The following RPRM variants were observed in gnomAD, a reference collection of about 807,000 sequenced individuals.
RPRM encodes protein reprimo.
Under a neutral mutation model 5.2 loss-of-function variants are expected in RPRM, and 3 were observed. The ratio of observed to expected loss-of-function variants is 0.58; its 90% CI spans 0.26 to 1.50. The LOEUF (loss-of-function observed/expected upper bound fraction) is 1.50, where lower values mean the gene tolerates loss of function less well. Ranked by LOEUF, RPRM falls within the 40% of genes most tolerant of loss-of-function variation. RPRM has a pLI of 0.13. For missense variants in RPRM, 135 were observed against 154.5 expected (o/e 0.87, Z 0.67); for synonymous variants, 70 against 69.9 (o/e 1.00, Z -0.01).
At position 153,478,187 on chromosome 2, in the gene RPRM, A is replaced by G; in HGVS notation, c.*49T>C. 6.7e-7 allele frequency: 1 copy of G among 1,482,702 alleles called. No homozygotes were observed. The highest frequency in any genetic ancestry group is 1.8e-4 in the Middle Eastern group (1 of 5,708). The allele number at this position is 1,482,702 out of a possible 1,614,324, so 91.8% of individuals were successfully genotyped here. A position where few individuals can be genotyped will look rare whatever the true frequency, so the allele number is the denominator to read the frequency against. On this transcript the variant is annotated 3_prime_UTR_variant, in exon 1 of 1. Coordinates refer to ENST00000325926, the MANE Select transcript of RPRM (RefSeq NM_019845.3). Reference sequence around the variant, plus strand: ...TGATAGTGAGGGGCACAGCCGGGCTAGCAAAGTGGGCAGGCGTGGGAGCGG... The same window carrying G: ...TGATAGTGAGGGGCACAGCCGGGCTGGCAAAGTGGGCAGGCGTGGGAGCGG...
At position 153,478,537 on chromosome 2, in the gene RPRM, T is replaced by C; in HGVS notation, c.29A>G (p.Asp10Gly). 2 of 1,604,254 alleles carry C rather than the reference T, an allele frequency of 1.2e-6. No homozygotes were observed. Among genetic ancestry groups the C allele is most frequent in the Non-Finnish European group, 1.7e-6 (2 of 1,173,810 alleles). The change falls in exon 1 of 1, where the codon GAC (aspartate) becomes GGC (glycine). Residue 10 changes from aspartate to glycine, a missense_variant. Transcript: ENST00000325926. ...GTTGGCCAGGAACAGGCCCGCCACG[T>C]CCGTCTGGTTGCCTAGGGCCGGATT... MNPALGNQT[D>G]VAGLFLANSS...
Position 153,478,497 on chromosome 2 carries a change from C to G in RPRM, c.69G>C (p.Leu23=). 2 of 1,611,104 alleles carry G rather than the reference C, an allele frequency of 1.2e-6. No individual in the cohort carries two copies. The highest frequency in any genetic ancestry group is 1.7e-6 in the Non-Finnish European group (2 of 1,178,950). The change falls in exon 1 of 1, where the codon CTG becomes CTC. Residue 23 remains leucine (L), a synonymous_variant. Transcript: ENST00000325926. ...GLFLANSSEA[L]ERAVRCCTQA... is the part of the protein sequence containing the mutation. Reference sequence around the variant, plus strand: ...GGGTGCAGCAGCGCACGGCTCGCTCCAGCGCCTCGCTGCTGTTGGCCAGGA... The same window carrying G: ...GGGTGCAGCAGCGCACGGCTCGCTCGAGCGCCTCGCTGCTGTTGGCCAGGA...
Position 153,478,698 on chromosome 2 carries a change from A to T in RPRM, c.-133T>A. On this transcript the variant is annotated 5_prime_UTR_variant, in exon 1 of 1. Transcript: ENST00000325926. Reference sequence around the variant, plus strand: ...GCGAGGGCTCCTCGCTCTGCTTTCGAAAGTCCCTGGGCCGTGGGAGTTTCC... The same window carrying T: ...GCGAGGGCTCCTCGCTCTGCTTTCGTAAGTCCCTGGGCCGTGGGAGTTTCC... 1.3e-6 allele frequency: 1 copy of T among 753,930 alleles called. No individual in the cohort carries two copies. 46.7% of individuals were successfully genotyped at this position (753,930 alleles called of 1,614,324 possible).
rs763304318 is a variant in RPRM at position 153,478,455 on chromosome 2, G to C, written c.111C>G (p.Thr37=). Residue 37 remains threonine, a synonymous_variant, in exon 1 of 1, where the codon ACC becomes ACG. Transcript: ENST00000325926. ...VRCCTQASVV[T]DDGFAEGGPD... is the part of the protein sequence containing the mutation. ...GGCCTCCCTCCGCGAAGCCGTCGTC[G>C]GTCACCACGGACGCCTGGGTGCAGC... 1.9e-6 allele frequency: 3 copies of C among 1,613,658 alleles called. No homozygotes were observed. Among genetic ancestry groups the C allele is most frequent in the East Asian group, 2.2e-5 (1 of 44,880 alleles).
At position 153,478,219 on chromosome 2, in the gene RPRM, C is replaced by CG; in HGVS notation, c.*16dup. The CG allele has an allele frequency of 6.3e-7, 1 of 1,594,550 alleles. No individual in the cohort carries two copies. The highest frequency in any genetic ancestry group is 8.6e-7 in the Non-Finnish European group (1 of 1,169,196). ...TGGGCAGGCGTGGGAGCGGTTGCCG[C>CG]GGGGGCAGAGGGCGGGTCAGTAGGG... On this transcript the variant is annotated 3_prime_UTR_variant, in exon 1 of 1. Coordinates refer to ENST00000325926, the MANE Select transcript of RPRM (RefSeq NM_019845.3).
chr2:153,478,483 C>T lies in RPRM; in HGVS notation c.83G>A (p.Arg28His), dbSNP rs1338484237. The part of the protein sequence containing the change: ...NSSEALERAV[R>H]CCTQASVVTD... ...CACCACGGACGCCTGGGTGCAGCAG[C>T]GCACGGCTCGCTCCAGCGCCTCGCT... is the stretch of plus-strand genomic sequence containing the variant. Residue 28 changes from arginine (R) to histidine (H), a missense_variant, in exon 1 of 1, where the codon CGC becomes CAC. Coordinates refer to ENST00000325926, the MANE Select transcript of RPRM (RefSeq NM_019845.3). The T allele has an allele frequency of 1.2e-6, 2 of 1,612,778 alleles. No homozygotes were observed. Among genetic ancestry groups the T allele is most frequent in the Admixed American group, 1.7e-5 (1 of 59,950 alleles).
chr2:153,478,182 G>C lies in RPRM; in HGVS notation c.*54C>G. 5.6e-6 allele frequency: 8 copies of C among 1,441,188 alleles called. No homozygotes were observed. The highest frequency in any genetic ancestry group is 3.6e-4 in the Middle Eastern group (2 of 5,616). The allele number at this position is 1,441,188 out of a possible 1,614,324, so 89.3% of individuals were successfully genotyped here. A position where few individuals can be genotyped will look rare whatever the true frequency, so the allele number is the denominator to read the frequency against. On this transcript the variant is annotated 3_prime_UTR_variant, in exon 1 of 1. Transcript: ENST00000325926. ...GTCTCTGATAGTGAGGGGCACAGCC[G>C]GGCTAGCAAAGTGGGCAGGCGTGGG...
chr2:153,478,206 G>T lies in RPRM; in HGVS notation c.*30C>A. The T allele has an allele frequency of 6.4e-7, 1 of 1,574,402 alleles. No individual in the cohort carries two copies. The highest frequency in any genetic ancestry group is 2.3e-5 in the East Asian group (1 of 44,270). On this transcript the variant is annotated 3_prime_UTR_variant, in exon 1 of 1. Transcript: ENST00000325926. ...CGGGCTAGCAAAGTGGGCAGGCGTG[G>T]GAGCGGTTGCCGCGGGGGCAGAGGG...
rs1490835808 is a variant in RPRM, at chr2:153,477,535, A to G, written c.*701T>C. ...CAAAAGACCCAGTGGGAAATGCACT[A>G]AAAGAAACAACTCACCCCGTTCAAA... is the stretch of plus-strand genomic sequence containing the variant. On this transcript the variant is annotated 3_prime_UTR_variant, in exon 1 of 1. Coordinates refer to ENST00000325926, the MANE Select transcript of RPRM (RefSeq NM_019845.3). 2.0e-5 allele frequency: 3 copies of G among 152,332 alleles called. No homozygotes were observed. Among genetic ancestry groups the G allele is most frequent in the Non-Finnish European group, 4.4e-5 (3 of 67,982 alleles). 9.4% of individuals were successfully genotyped at this position (152,332 alleles called of 1,614,324 possible).
At position 153,478,315 on chromosome 2, in the gene RPRM, G is replaced by A. The variant is rs1217776395; in HGVS notation, c.251C>T (p.Ser84Phe). 1 of 1,614,006 alleles carries A rather than the reference G, an allele frequency of 6.2e-7. No homozygotes were observed. The highest frequency in any genetic ancestry group is 2.2e-5 in the East Asian group (1 of 44,866). Residue 84 changes from serine to phenylalanine, a missense_variant, in exon 1 of 1, where the codon TCC (serine) becomes TTC (phenylalanine). Physicochemically the swap from Ser to Phe is radical, Grantham distance 155. Coordinates refer to ENST00000325926, the MANE Select transcript of RPRM (RefSeq NM_019845.3). ...CACGAGGAAGTTGATCATGCCCTCG[G>A]ACTTGATGAGCAGATTGCAGCCGAG... is the stretch of plus-strand genomic sequence containing the variant. ...FFLGCNLLIK[S>F]EGMINFLVKD...
In RPRM at chr2:153,477,974, C is replaced by T. The variant is rs906232964; in HGVS notation, c.*262G>A. The T allele has an allele frequency of 2.4e-5, 12 of 507,540 alleles. No homozygotes were observed. In the Admixed American group the frequency reaches 3.4e-4, roughly 15 times the overall value. 31.4% of individuals were successfully genotyped at this position (507,540 alleles called of 1,614,324 possible). On this transcript the variant is annotated 3_prime_UTR_variant, in exon 1 of 1. Coordinates refer to ENST00000325926, the MANE Select transcript of RPRM (RefSeq NM_019845.3). ...TCCCCGCATTCCAAGTAAGTAGCAG[C>T]TTCCAAAGTTCTGCGCCCTAATCGC...
chr2:153,478,511 TG>T lies in RPRM; in HGVS notation c.54del (p.Asn18LysfsTer19). ...ACGGCTCGCTCCAGCGCCTCGCTGC[TG>T]TTGGCCAGGAACAGGCCCGCCACGT... ...QTDVAGLFLANSSEALERAVR... is the reference protein window; with the variant it reads ...QTDVAGLFLAXSSEALERAVR... On this transcript the variant is annotated frameshift_variant, in exon 1 of 1. Coordinates refer to ENST00000325926, the MANE Select transcript of RPRM (RefSeq NM_019845.3). LOFTEE classifies it high-confidence loss of function. 6.2e-7 allele frequency: 1 copy of T among 1,609,134 alleles called. No individual in the cohort carries two copies. The highest frequency in any genetic ancestry group is 8.5e-7 in the Non-Finnish European group (1 of 1,177,748).
rs1265257003 is a variant in RPRM, at chr2:153,478,204, T to A, written c.*32A>T. 1.9e-6 allele frequency: 3 copies of A among 1,569,132 alleles called. No homozygotes were observed. In the East Asian group the frequency reaches 6.8e-5, roughly 35 times the overall value. ...GCCGGGCTAGCAAAGTGGGCAGGCG[T>A]GGGAGCGGTTGCCGCGGGGGCAGAG... On this transcript the variant is annotated 3_prime_UTR_variant, in exon 1 of 1. Transcript: ENST00000325926.
rs1220269074 is a variant in RPRM at position 153,478,203 on chromosome 2, G to A, written c.*33C>T. The A allele has an allele frequency of 6.4e-7, 1 of 1,564,948 alleles. No individual in the cohort carries two copies. The highest frequency in any genetic ancestry group is 8.7e-7 in the Non-Finnish European group (1 of 1,148,468). ...AGCCGGGCTAGCAAAGTGGGCAGGCGTGGGAGCGGTTGCCGCGGGGGCAGA... is the reference window on the plus strand; with the variant it reads ...AGCCGGGCTAGCAAAGTGGGCAGGCATGGGAGCGGTTGCCGCGGGGGCAGA... On this transcript the variant is annotated 3_prime_UTR_variant, in exon 1 of 1. Transcript: ENST00000325926.
At position 153,478,473 on chromosome 2, in the gene RPRM, G is replaced by A. The variant is rs200493515; in HGVS notation, c.93C>T (p.Thr31=). 8.7e-5 allele frequency: 141 copies of A among 1,613,414 alleles called. 1 individual carries two copies. The East Asian group carries it at 2.3e-3, about 27-fold the overall frequency. Residue 31 remains threonine (T), a synonymous_variant, in exon 1 of 1, where the codon ACC becomes ACT. Transcript: ENST00000325926. Reference sequence around the variant, plus strand: ...CGTCGTCGGTCACCACGGACGCCTGGGTGCAGCAGCGCACGGCTCGCTCCA... The same window carrying A: ...CGTCGTCGGTCACCACGGACGCCTGAGTGCAGCAGCGCACGGCTCGCTCCA... ...EALERAVRCC[T]QASVVTDDGF...
At position 153,478,264 on chromosome 2, in the gene RPRM, A is replaced by G. The variant is rs1488647443; in HGVS notation, c.302T>C (p.Val101Ala). 14 of 1,613,586 alleles carry G rather than the reference A, an allele frequency of 8.7e-6. No individual in the cohort carries two copies. The highest frequency in any genetic ancestry group is 1.2e-5 in the Non-Finnish European group (14 of 1,179,900). Residue 101 changes from valine to alanine, a missense_variant, in exon 1 of 1, where the codon GTG (valine) becomes GCG (alanine). Physicochemically the swap from Val to Ala is moderately conservative, Grantham distance 64. Transcript: ENST00000325926. Reference protein sequence around the residue: ...LVKDRRPSKEVEAVVVGPY With the variant: ...LVKDRRPSKEAEAVVVGPY ...GTAGGGCCCCACGACCACCGCCTCC[A>G]CCTCCTTAGACGGCCTCCGGTCCTT...
rs1684174947 is a variant in RPRM at position 153,477,675 on chromosome 2, GCAAA to G, written c.*557_*560del. On this transcript the variant is annotated 3_prime_UTR_variant, in exon 1 of 1. Coordinates refer to ENST00000325926, the MANE Select transcript of RPRM (RefSeq NM_019845.3). ...AGACTTATCAAACATTTGTATTCAA[GCAAA>G]CAAACACAAAACCTCTTAAAACGGC... The G allele has an allele frequency of 6.7e-6, 1 of 149,930 alleles. No individual in the cohort carries two copies. Among genetic ancestry groups the G allele is most frequent in the African/African-American group, 2.5e-5 (1 of 40,496 alleles). 9.3% of individuals were successfully genotyped at this position (149,930 alleles called of 1,614,324 possible).
In RPRM at chr2:153,478,730, C is replaced by G; in HGVS notation, c.-165G>C. On this transcript the variant is annotated 5_prime_UTR_variant, in exon 1 of 1. Coordinates refer to ENST00000325926, the MANE Select transcript of RPRM (RefSeq NM_019845.3). ...CTGGGCCGTGGGAGTTTCCCAGGAG[C>G]CTCTCCGACGCGCGCAGCAGCTAGG... The G allele has an allele frequency of 1.6e-6, 1 of 623,042 alleles. No homozygotes were observed. The highest frequency in any genetic ancestry group is 2.8e-6 in the Non-Finnish European group (1 of 355,812). The allele number at this position is 623,042 out of a possible 1,614,324, so 38.6% of individuals were successfully genotyped here. A position where few individuals can be genotyped will look rare whatever the true frequency, so the allele number is the denominator to read the frequency against.
In RPRM at chr2:153,478,620, C is replaced by T; in HGVS notation, c.-55G>A. The stretch of plus-strand genomic sequence containing the variant: ...GCGGGTCCGAGGGGTGGGAAGGCGG[C>T]GGCGCTGGAGGAACAGGTGCCGGGC... On this transcript the variant is annotated 5_prime_UTR_variant, in exon 1 of 1. Coordinates refer to ENST00000325926, the MANE Select transcript of RPRM (RefSeq NM_019845.3). 1.4e-6 allele frequency: 2 copies of T among 1,406,950 alleles called. No individual in the cohort carries two copies. Among genetic ancestry groups the T allele is most frequent in the Non-Finnish European group, 1.9e-6 (2 of 1,052,336 alleles). The allele number at this position is 1,406,950 out of a possible 1,614,324, so 87.2% of individuals were successfully genotyped here. A position where few individuals can be genotyped will look rare whatever the true frequency, so the allele number is the denominator to read the frequency against.
Sources: allele counts gnomAD v4.1 joint callset, GRCh38; gene constraint gnomAD v4.1.1; transcripts MANE v1.5; gene names NCBI Gene and HGNC (gene_info 2026-07-23, HGNC 2026-07-21).